The following SHANK2 variants were observed in gnomAD, a reference collection of about 807,000 sequenced individuals.
SHANK2 encodes the protein SH3 and multiple ankyrin repeat domains protein 2.
A neutral mutation model predicts 133.7 loss-of-function variants in SHANK2; 43 were observed. The observed-to-expected ratio is 0.32, with a 90% CI of 0.25 to 0.41. The LOEUF is 0.41. Ranked by LOEUF, SHANK2 falls within the 10% of genes least tolerant of loss-of-function variation. The pLI is 1.00. For synonymous variants in SHANK2, 1,017 were observed against 952.8 expected (o/e 1.07, Z -1.24); for missense variants, 1,994 against 2,235.8 (o/e 0.89, Z 2.18).
chr11:70,693,020 A>G (rs2134452616), intron 15 of SHANK2, among the ~76,000 whole-genome samples: 1 of 152,288 alleles, frequency 6.6e-6, no homozygotes, highest in Admixed American at 6.5e-5. Flanking sequence ...AAACGAAGAG[A>G]AGGTGAGAAC....
Position 70,826,915 on chromosome 11 carries a change from C to T in SHANK2, c.1175-6233G>A, listed in dbSNP as rs569805166. 3.0e-3 allele frequency among the ~76,000 whole-genome samples: 461 copies of T among 152,384 alleles called. 4 individuals carry two copies. Among genetic ancestry groups the T allele is most frequent in the Non-Finnish European group, 3.6e-3 (245 of 68,044 alleles). ...TGAGTGAGCTCGAGCCCCAGTTATC[C>T]AAGGAAACTCGGGCTGGTGCTGGGC... is the stretch of plus-strand genomic sequence containing the variant. On this transcript the variant is annotated intron_variant, in intron 11 of 25. Coordinates refer to ENST00000601538, the MANE Select transcript of SHANK2 (RefSeq NM_012309.5).
rs1348016453 is a variant in SHANK2, at chr11:70,468,070, C to T, written c.*4799G>A. The T allele has an allele frequency of 6.6e-6, 1 of 152,542 alleles. No individual in the cohort carries two copies. Among genetic ancestry groups the T allele is most frequent in the Non-Finnish European group, 1.5e-5 (1 of 68,028 alleles). 9.4% of individuals were successfully genotyped at this position (152,542 alleles called of 1,614,324 possible). A position where few individuals can be genotyped will look rare whatever the true frequency, so the allele number is the denominator to read the frequency against. On this transcript the variant is annotated 3_prime_UTR_variant, in exon 26 of 26. Transcript: ENST00000601538. Reference sequence around the variant, plus strand: ...TTAATACATTGAAGATATATTTATCCTTTCATGAAAGATACAGCATTTGAA... The same window carrying T: ...TTAATACATTGAAGATATATTTATCTTTTCATGAAAGATACAGCATTTGAA...
At chr11:71,219,217 G>A (rs1388160345) in intron 2 of SHANK2, among the ~76,000 whole-genome samples, 1 of 152,198 alleles carries the variant, frequency 6.6e-6, no homozygotes, top group Non-Finnish European at 1.5e-5. Flanking sequence ...AAGTCCAGCT[G>A]GTAACTACTC....
At chr11:70,630,385 C>T (rs1347620704) in intron 17 of SHANK2, among the ~76,000 whole-genome samples, 1 of 152,104 alleles carries the variant, frequency 6.6e-6, no homozygotes, top group Non-Finnish European at 1.5e-5. Context: ...AGAGGCGGGG[C>T]CAGGAAGAGA....
At position 70,468,818 on chromosome 11, in the gene SHANK2, A is replaced by G. The variant is rs1315188730; in HGVS notation, c.*4051T>C. ...CAAAGTAGAAGAAACTTTAGGAACT[A>G]AAGACAACAAGTTTTCACTGGTGAG... On this transcript the variant is annotated 3_prime_UTR_variant, in exon 26 of 26. Coordinates refer to ENST00000601538, the MANE Select transcript of SHANK2 (RefSeq NM_012309.5). 1 of 152,276 alleles carries G rather than the reference A, an allele frequency of 6.6e-6. No homozygotes were observed. The highest frequency in any genetic ancestry group is 2.4e-5 in the African/African-American group (1 of 41,474). 9.4% of individuals were successfully genotyped at this position (152,276 alleles called of 1,614,324 possible).
At position 70,938,185 on chromosome 11, in the gene SHANK2, G is replaced by A. The variant is rs78997391; in HGVS notation, c.1108-41618C>T. 5.6e-3 allele frequency among the ~76,000 whole-genome samples: 848 copies of A among 152,240 alleles called. 7 individuals carry two copies. Among genetic ancestry groups the A allele is most frequent in the African/African-American group, 0.019 (785 of 41,536 alleles). On this transcript the variant is annotated intron_variant, in intron 10 of 25. Coordinates refer to ENST00000601538, the MANE Select transcript of SHANK2 (RefSeq NM_012309.5). The stretch of plus-strand genomic sequence containing the variant: ...CTAGGGACAGAGTGGGGTGAAGGTC[G>A]GAACGGAACCCAGAGAGGGTTTTCA...
chr11:70,731,748 T>C (rs1555032261), intron 14 of SHANK2, among the ~76,000 whole-genome samples: 1 of 152,212 alleles, frequency 6.6e-6, no homozygotes. Flanking sequence ...CACCTGTTTT[T>C]AATTCTCTGG....
At chr11:70,489,605 T>C (rs969969630) in intron 23 of SHANK2, 10 of 548,250 alleles carry the variant, frequency 1.8e-5, no homozygotes, top group Admixed American at 3.2e-5. Context: ...AGTCCCAGGG[T>C]TGCCTCCACA....
intron 14 of SHANK2, among the ~76,000 whole-genome samples, chr11:70,722,504 C>T (rs1374895156): frequency 1.3e-5 from 2 of 152,266 alleles, no homozygotes; most frequent in East Asian, 1.9e-4. Flanking sequence ...CCTACATAGG[C>T]GATTGTTTTT....
chr11:70,744,526 G>C (rs544365722), intron 14 of SHANK2, among the ~76,000 whole-genome samples: 1 of 152,280 alleles, frequency 6.6e-6, no homozygotes, highest in African/African-American at 2.4e-5. Context: ...GAAGAGGGCA[G>C]GCAGCTTCCT....
At chr11:70,527,184 C>T (rs66462629) in intron 17 of SHANK2, among the ~76,000 whole-genome samples, 1 of 152,102 alleles carries the variant, frequency 6.6e-6, no homozygotes, top group East Asian at 1.9e-4. Flanking sequence ...GAGACCTGGT[C>T]CTTTATTGAC....
Position 71,147,200 on chromosome 11 carries a change from T to A in SHANK2, c.127A>T (p.Lys43Ter), listed in dbSNP as rs1555106882. 2 of 1,550,736 alleles carry A rather than the reference T, an allele frequency of 1.3e-6. No homozygotes were observed. The highest frequency in any genetic ancestry group is 4.9e-5 in the East Asian group (2 of 40,900). Residue 43 changes from lysine to a stop codon, truncating the protein, a stop_gained, in exon 3 of 26, where the codon AAG (lysine) becomes TAG (stop). Coordinates refer to ENST00000601538, the MANE Select transcript of SHANK2 (RefSeq NM_012309.5). LOFTEE classifies it high-confidence loss of function. ...IYDTIRATAE[K>*]PGGARTEESQ... Reference sequence around the variant, plus strand: ...TCCTCCGTCCTGGCACCGCCCGGCTTCTCCGCAGTGGCCCGGATCGTGTCA... The same window carrying A: ...TCCTCCGTCCTGGCACCGCCCGGCTACTCCGCAGTGGCCCGGATCGTGTCA...
At chr11:71,238,076 G>A (rs1293899631) in intron 1 of SHANK2, among the ~76,000 whole-genome samples, 10 of 152,186 alleles carry the variant, frequency 6.6e-5, no homozygotes, top group Non-Finnish European at 1.2e-4. Context: ...CAATGTTGCC[G>A]ATGTCCCTTG....
At chr11:70,738,249 C>T (rs11237321) in intron 14 of SHANK2, among the ~76,000 whole-genome samples, 186 of 152,390 alleles carry the variant, frequency 1.2e-3, no homozygotes, top group Middle Eastern at 3.4e-3. Context: ...TTACAACAAC[C>T]GAAGCTTCCG....
intron 10 of SHANK2, among the ~76,000 whole-genome samples, chr11:70,949,759 T>C (rs542437644): frequency 6.6e-6 from 1 of 152,316 alleles, no homozygotes; most frequent in South Asian, 2.1e-4. Context: ...TGGGCCAGCC[T>C]CTCTGGGCTC....
At chr11:70,734,952 G>T (rs1946370927) in intron 14 of SHANK2, among the ~76,000 whole-genome samples, 1 of 152,232 alleles carries the variant, frequency 6.6e-6, no homozygotes, top group Non-Finnish European at 1.5e-5. Flanking sequence ...GCAGTACAAG[G>T]GGGATTCTGG....
At chr11:70,558,477 A>G (rs2059862448) in intron 17 of SHANK2, among the ~76,000 whole-genome samples, 1 of 152,230 alleles carries the variant, frequency 6.6e-6, no homozygotes, top group African/African-American at 2.4e-5. Context: ...GGCTGGAGCC[A>G]GCCTGCCAGG....
intron 18 of SHANK2, 66 bp downstream of exon 18, chr11:70,502,730 T>TGGGCGGGGGGGGGGG: frequency 1.6e-5 from 12 of 772,450 alleles, no homozygotes; most frequent in East Asian, 1.1e-4. Flanking sequence ...CCAGCTGTCC[T>TGGGCGGGGGGGGGGG]GCCCGCCCCC....
intron 9 of SHANK2, among the ~76,000 whole-genome samples, chr11:71,066,165 TC>T (rs1951058967): frequency 1.7e-4 from 16 of 93,566 alleles, no homozygotes; most frequent in East Asian, 3.8e-4. Flanking sequence ...GGTGCAGAAC[TC>T]TCCTGGGGAG....
Sources: allele counts gnomAD v4.1 joint callset (sites outside exome capture counted in the v4.1 genomes callset), GRCh38; gene constraint gnomAD v4.1.1; transcripts MANE v1.5; gene names NCBI Gene and HGNC (gene_info 2026-07-23, HGNC 2026-07-21).